TRAPPC12: variants seen among roughly 807,000 people sequenced by gnomAD.
TRAPPC12 encodes TPR repeat protein 15.
In TRAPPC12, 61 loss-of-function variants were observed where a neutral mutation model predicts 69.2. That is an observed-to-expected ratio of 0.88 (90% CI 0.72 to 1.09). The LOEUF (loss-of-function observed/expected upper bound fraction) is 1.09. Among genes scored for constraint, TRAPPC12 ranks in the 50% least tolerant of loss-of-function variants. The probability of loss-of-function intolerance (pLI) is 0.00; values close to 1 mark genes in which losing one functional copy is unlikely to be tolerated. For synonymous variants in TRAPPC12, 469 were observed against 438.9 expected (o/e 1.07, Z -0.86); for missense variants, 1,101 against 1,016.4 (o/e 1.08, Z -1.13).
intron 3 of TRAPPC12, among the ~76,000 whole-genome samples, chr2:3,406,374 T>C (rs1392677392): frequency 1.3e-5 from 2 of 152,190 alleles, no homozygotes; most frequent in African/African-American, 4.8e-5. Context: ...CCCCACGTTC[T>C]TTACCGTATT....
chr2:3,421,041 A>C (rs1662751861), intron 3 of TRAPPC12, among the ~76,000 whole-genome samples: 1 of 152,246 alleles, frequency 6.6e-6, no homozygotes, highest in African/African-American at 2.4e-5. Flanking sequence ...TCTGTCAGGC[A>C]GGAGGTACTT....
Position 3,405,179 on chromosome 2 carries a change from G to C in TRAPPC12, c.1164+3286G>C, listed in dbSNP as rs373780278. Among the ~76,000 whole-genome samples, 243 of 149,304 alleles carry C rather than the reference G, an allele frequency of 1.6e-3. 4 individuals carry two copies. In the South Asian group the frequency reaches 0.04, roughly 25 times the overall value. Reference sequence around the variant, plus strand: ...GTCTCTCTTGAGATGTCTTTTTTTGGGGGGGTGGGGGGAAAGGAGGATGAA... The same window carrying C: ...GTCTCTCTTGAGATGTCTTTTTTTGCGGGGGTGGGGGGAAAGGAGGATGAA... On this transcript the variant is annotated intron_variant, in intron 3 of 11. Transcript: ENST00000324266.
At chr2:3,398,326 G>A (rs562765793) in intron 2 of TRAPPC12, among the ~76,000 whole-genome samples, 3 of 152,168 alleles carry the variant, frequency 2.0e-5, no homozygotes, top group Non-Finnish European at 4.4e-5. Context: ...CCCCACCAAT[G>A]ATGTGGTGTG....
chr2:3,415,360 A>G (rs976295633), intron 3 of TRAPPC12, among the ~76,000 whole-genome samples: 8 of 150,682 alleles, frequency 5.3e-5, no homozygotes, highest in Admixed American at 2.0e-4. Context: ...AGGCTAGGCT[A>G]TGCTGTGACA....
At chr2:3,420,554 T>C (rs942688751) in intron 3 of TRAPPC12, among the ~76,000 whole-genome samples, 2 of 152,180 alleles carry the variant, frequency 1.3e-5, no homozygotes, top group African/African-American at 4.8e-5. Flanking sequence ...GAGCCTGCAG[T>C]GTGAGTGTGA....
chr2:3,422,084 A>G lies in TRAPPC12; in HGVS notation c.1278+90A>G, dbSNP rs996667407. ...ACCATGGCCTTTCATGCCAATAACA[A>G]AAAGTATGTTTTCATATCCTGCTTC... On this transcript the variant is annotated intron_variant, in intron 4 of 11. Coordinates refer to ENST00000324266, the MANE Select transcript of TRAPPC12 (RefSeq NM_016030.6). The G allele has an allele frequency of 2.5e-5, 24 of 966,486 alleles. No individual in the cohort carries two copies. In the East Asian group the frequency reaches 2.7e-4, roughly 11 times the overall value. 59.9% of individuals were successfully genotyped at this position (966,486 alleles called of 1,614,324 possible).
intron 5 of TRAPPC12, among the ~76,000 whole-genome samples, chr2:3,441,817 C>T (rs1036492052): frequency 2.0e-5 from 3 of 152,126 alleles, no homozygotes; most frequent in African/African-American, 4.8e-5. Flanking sequence ...CCAATATATG[C>T]ATTTAATGCT....
At chr2:3,436,891 G>A (rs1236268619) in intron 5 of TRAPPC12, among the ~76,000 whole-genome samples, 2 of 77,296 alleles carry the variant, frequency 2.6e-5, no homozygotes, top group African/African-American at 5.3e-5. Flanking sequence ...CACCACCCCT[G>A]GATTAATCTC....
chr2:3,450,553 C>T (rs563577498), intron 6 of TRAPPC12, among the ~76,000 whole-genome samples: 55 of 152,272 alleles, frequency 3.6e-4, no homozygotes, highest in Admixed American at 2.3e-3. Flanking sequence ...CCCGGGGTGG[C>T]GAGGGGGCGC....
chr2:3,434,012 C>G (rs2103078400), intron 5 of TRAPPC12, among the ~76,000 whole-genome samples: 1 of 152,274 alleles, frequency 6.6e-6, no homozygotes. Flanking sequence ...CAGTGAGATT[C>G]CCAGGGTAGC....
chr2:3,409,775 AAAAGG>A (rs1661949128), intron 3 of TRAPPC12, among the ~76,000 whole-genome samples: 2 of 148,354 alleles, frequency 1.3e-5, no homozygotes, highest in African/African-American at 4.9e-5. Flanking sequence ...AAAAAAAAAA[AAAAGG>A]GGAAGAAATG....
chr2:3,473,342 T>C (rs922387878), intron 9 of TRAPPC12, among the ~76,000 whole-genome samples: 8 of 152,238 alleles, frequency 5.3e-5, no homozygotes, highest in Admixed American at 5.2e-4. Flanking sequence ...TTCGTTTATG[T>C]ACATTAGCCT....
chr2:3,468,779 T>C (rs1665935995), intron 9 of TRAPPC12, among the ~76,000 whole-genome samples: 2 of 149,406 alleles, frequency 1.3e-5, no homozygotes. Context: ...CCCACGCACG[T>C]ATCCGGACAC....
intron 8 of TRAPPC12, among the ~76,000 whole-genome samples, chr2:3,464,578 G>A (rs185561570): frequency 4.6e-5 from 7 of 152,358 alleles, no homozygotes; most frequent in Admixed American, 2.0e-4. Flanking sequence ...TGCTGACCGC[G>A]TGCTTATAGC....
At chr2:3,406,021 C>T (rs1340197733) in intron 3 of TRAPPC12, among the ~76,000 whole-genome samples, 2 of 152,188 alleles carry the variant, frequency 1.3e-5, no homozygotes, top group Non-Finnish European at 2.9e-5. Context: ...CAGCATGAAT[C>T]CCTCAGGCCT....
chr2:3,389,193 G>T (rs894982075), intron 2 of TRAPPC12, among the ~76,000 whole-genome samples: 1 of 152,066 alleles, frequency 6.6e-6, no homozygotes, highest in African/African-American at 2.4e-5. Flanking sequence ...GGTTTTTTTC[G>T]GTGCCGCTTT....
intron 6 of TRAPPC12, among the ~76,000 whole-genome samples, chr2:3,452,648 G>A (rs1398059997): frequency 6.6e-6 from 1 of 152,230 alleles, no homozygotes; most frequent in Non-Finnish European, 1.5e-5. Flanking sequence ...TCAACCTCCA[G>A]GCACCTTGAA....
chr2:3,431,658 A>G (rs1357887365), intron 5 of TRAPPC12, among the ~76,000 whole-genome samples: 1 of 151,986 alleles, frequency 6.6e-6, no homozygotes, highest in African/African-American at 2.4e-5. Context: ...TAGGGTTTGC[A>G]GTCATGAAAA....
At chr2:3,400,502 T>C (rs1162390015) in intron 2 of TRAPPC12, among the ~76,000 whole-genome samples, 1 of 152,102 alleles carries the variant, frequency 6.6e-6, no homozygotes, top group East Asian at 1.9e-4. Flanking sequence ...GGGACCTCAG[T>C]GCTGCTGCCC....
Sources: gnomAD v4.1 joint callset for allele counts (sites outside exome capture counted in the v4.1 genomes callset) on GRCh38, gnomAD v4.1.1 for gene constraint, MANE v1.5 for transcripts, NCBI Gene and HGNC (gene_info 2026-07-23, HGNC 2026-07-21) for gene names.